ARIH1: variants seen among roughly 807,000 people sequenced by gnomAD.
ARIH1 encodes E3 ubiquitin-protein ligase ARIH1.
A neutral mutation model predicts 85.0 loss-of-function variants in ARIH1; 8 were observed. The ratio of observed to expected loss-of-function variants is 0.09; its 90% CI spans 0.06 to 0.17. The LOEUF is 0.17. Among genes scored for constraint, ARIH1 ranks in the 10% least tolerant of loss-of-function variants. The probability of loss-of-function intolerance (pLI) is 1.00; values close to 1 mark genes in which losing one functional copy is unlikely to be tolerated. For missense variants in ARIH1, 311 were observed against 718.1 expected, an observed-to-expected ratio of 0.43 and a Z score of 6.48; for synonymous variants, 238 against 253.6, an observed-to-expected ratio of 0.94 and a Z score of 0.59.
Position 72,601,137 on chromosome 15 carries a change from A to ATTTACT in ARIH1, c.*17849_*17854dup, listed in dbSNP as rs2140449117. ...TTTCCACCTCTAAACTTGAGAACCC[A>ATTTACT]TTTACTTTTTCTCCATCTCCTTTGC... On this transcript the variant is annotated 3_prime_UTR_variant, in exon 14 of 14. Transcript: ENST00000379887. 1 of 152,150 alleles carries ATTTACT rather than the reference A, an allele frequency of 6.6e-6. No homozygotes were observed. The highest frequency in any genetic ancestry group is 2.1e-4 in the South Asian group (1 of 4,824). 9.4% of individuals were successfully genotyped at this position (152,150 alleles called of 1,614,324 possible).
At chr15:72,532,678 T>C (rs2064063081) in intron 2 of ARIH1, among the ~76,000 whole-genome samples, 2 of 152,014 alleles carry the variant, frequency 1.3e-5, no homozygotes, top group Non-Finnish European at 2.9e-5. Flanking sequence ...AAACAAAAAC[T>C]GGAACAACAG....
intron 1 of ARIH1, among the ~76,000 whole-genome samples, chr15:72,507,430 A>G (rs1279788238): frequency 2.6e-5 from 4 of 152,090 alleles, no homozygotes; most frequent in Non-Finnish European, 5.9e-5. Context: ...GCTTATTGGA[A>G]TCTCTTGGGA....
Position 72,584,418 on chromosome 15 carries a change from A to G in ARIH1, c.*1126A>G, listed in dbSNP as rs1567362762. ...TCGCATCCAGTGGAAGCATTTTAAA[A>G]TTTCTTTTACTTTTTGGTTTTCCCT... On this transcript the variant is annotated 3_prime_UTR_variant, in exon 14 of 14. Coordinates refer to ENST00000379887, the MANE Select transcript of ARIH1 (RefSeq NM_005744.5). 1 of 152,264 alleles carries G rather than the reference A, an allele frequency of 6.6e-6. No homozygotes were observed. The highest frequency in any genetic ancestry group is 1.9e-4 in the East Asian group (1 of 5,188). The allele number at this position is 152,264 out of a possible 1,614,324, so 9.4% of individuals were successfully genotyped here. A position where few individuals can be genotyped will look rare whatever the true frequency, so the allele number is the denominator to read the frequency against.
intron 3 of ARIH1, among the ~76,000 whole-genome samples, chr15:72,546,682 GT>G (rs2064130343): frequency 6.6e-6 from 1 of 151,450 alleles, no homozygotes; most frequent in Non-Finnish European, 1.5e-5. Flanking sequence ...TGTTTTGTTT[GT>G]TTTGTTTTGT....
intron 1 of ARIH1, among the ~76,000 whole-genome samples, chr15:72,508,936 T>C (rs2063938206): frequency 2.0e-5 from 3 of 152,072 alleles, no homozygotes; most frequent in South Asian, 4.2e-4. Context: ...TTAGGTGATC[T>C]ACCCGCCTTA....
In ARIH1 at chr15:72,582,871, G is replaced by A. The variant is rs1368803783; in HGVS notation, c.1590-337G>A. Among the ~76,000 whole-genome samples the A allele has an allele frequency of 6.6e-6, 1 of 152,110 alleles. No individual in the cohort carries two copies. Among genetic ancestry groups the A allele is most frequent in the Admixed American group, 6.5e-5 (1 of 15,268 alleles). Reference sequence around the variant, plus strand: ...TACAGTTGACAGAGATTTTAAGGACGTGAATAAAGAACCCATGAAATTATT... The same window carrying A: ...TACAGTTGACAGAGATTTTAAGGACATGAATAAAGAACCCATGAAATTATT... On this transcript the variant is annotated intron_variant, in intron 13 of 13. Transcript: ENST00000379887. This position sits in a 1 kb window ranked among gnomAD's most constrained non-coding sequence, Gnocchi z 4.6.
At chr15:72,524,445 C>T (rs1459902582) in intron 2 of ARIH1, among the ~76,000 whole-genome samples, 1 of 148,594 alleles carries the variant, frequency 6.7e-6, no homozygotes, top group Non-Finnish European at 1.5e-5. Flanking sequence ...GAACTCTGAC[C>T]TCAAGTGATC....
At position 72,590,937 on chromosome 15, in the gene ARIH1, A is replaced by G. The variant is rs1798731317; in HGVS notation, c.*7645A>G. On this transcript the variant is annotated 3_prime_UTR_variant, in exon 14 of 14. Transcript: ENST00000379887. ...TGGAGGGTGCTCATAGAAATATAAA[A>G]CAAGGCTGGGCATGGCGGCTTACAC... 1 of 152,200 alleles carries G rather than the reference A, an allele frequency of 6.6e-6. No homozygotes were observed. Among genetic ancestry groups the G allele is most frequent in the African/African-American group, 2.4e-5 (1 of 41,436 alleles). The allele number at this position is 152,200 out of a possible 1,614,324, so 9.4% of individuals were successfully genotyped here. A position where few individuals can be genotyped will look rare whatever the true frequency, so the allele number is the denominator to read the frequency against.
intron 4 of ARIH1, 135 bp downstream of exon 4, chr15:72,555,498 G>A: frequency 1.5e-6 from 1 of 674,830 alleles, no homozygotes; most frequent in Non-Finnish European, 2.5e-6. Context: ...AAAGATAATA[G>A]GCTTTTTCCT....
At chr15:72,519,917 A>T (rs918194757) in intron 2 of ARIH1, among the ~76,000 whole-genome samples, 1 of 152,158 alleles carries the variant, frequency 6.6e-6, no homozygotes, top group African/African-American at 2.4e-5. Context: ...ATGAATTAAC[A>T]CTGATTTACT....
chr15:72,543,611 A>G (rs1300911412), intron 2 of ARIH1, among the ~76,000 whole-genome samples: 3 of 152,136 alleles, frequency 2.0e-5, no homozygotes, highest in Non-Finnish European at 4.4e-5. Flanking sequence ...CATTTGAATG[A>G]TTTTTCTGGA....
chr15:72,481,229 A>C (rs1313383811), intron 1 of ARIH1, among the ~76,000 whole-genome samples: 1 of 152,216 alleles, frequency 6.6e-6, no homozygotes, highest in Admixed American at 6.5e-5. Flanking sequence ...TAGTCCTATG[A>C]ATCAAACTCT....
chr15:72,500,567 C>T (rs192497342), intron 1 of ARIH1, among the ~76,000 whole-genome samples: 1 of 152,200 alleles, frequency 6.6e-6, no homozygotes, highest in Non-Finnish European at 1.5e-5. Context: ...CATTCCCTCT[C>T]TTCTTCTTTT....
chr15:72,490,780 TA>T (rs766993160), intron 1 of ARIH1, among the ~76,000 whole-genome samples: 10 of 152,094 alleles, frequency 6.6e-5, no homozygotes, highest in Non-Finnish European at 1.2e-4. Flanking sequence ...AAAAGGAACC[TA>T]CTTAGCCAAA....
chr15:72,564,855 T>A (rs1208297283), intron 7 of ARIH1, among the ~76,000 whole-genome samples: 1 of 152,146 alleles, frequency 6.6e-6, no homozygotes, highest in Non-Finnish European at 1.5e-5. Flanking sequence ...GCCCCTTTTT[T>A]TTTTAAAAAG....
rs1346297792 is a variant in ARIH1, at chr15:72,570,218, T to G, written c.1068T>G (p.Gly356=). Residue 356 remains glycine (G), a synonymous_variant, in exon 10 of 14, where the codon GGT becomes GGG. Coordinates refer to ENST00000379887, the MANE Select transcript of ARIH1 (RefSeq NM_005744.5). ...ATGTCACAATTGAGAAGGATGGTGG[T>G]TGTAATCACATGGTCTGTCGTAACC... ...KCHVTIEKDG[G]CNHMVCRNQN... is the part of the protein sequence containing the mutation. The G allele has an allele frequency of 1.2e-6, 2 of 1,614,096 alleles. No individual in the cohort carries two copies. The highest frequency in any genetic ancestry group is 2.2e-5 in the South Asian group (2 of 91,078).
chr15:72,536,021 C>T (rs1028871695), intron 2 of ARIH1, among the ~76,000 whole-genome samples: 1 of 152,136 alleles, frequency 6.6e-6, no homozygotes, highest in African/African-American at 2.4e-5. Context: ...CCAGGGACCT[C>T]CAATTACAAA....
At chr15:72,571,053 C>T (rs1265898817) in intron 10 of ARIH1, among the ~76,000 whole-genome samples, 2 of 134,688 alleles carry the variant, frequency 1.5e-5, no homozygotes, top group South Asian at 2.4e-4. Flanking sequence ...CACTTGAACT[C>T]GGGAGGTGGA....
intron 10 of ARIH1, 30 bp from the exon 11 acceptor site, chr15:72,572,078 C>G (rs768245856): frequency 1.9e-5 from 24 of 1,262,534 alleles, no homozygotes; most frequent in South Asian, 3.3e-5. Flanking sequence ...TTTTTTTTTT[C>G]TTTATGGAAT....
Sources: gnomAD v4.1 joint callset for allele counts (sites outside exome capture counted in the v4.1 genomes callset) on GRCh38, gnomAD v4.1.1 for gene constraint, Gnocchi (gnomAD v3.1) non-coding constraint, MANE v1.5 for transcripts, NCBI Gene and HGNC (gene_info 2026-07-23, HGNC 2026-07-21) for gene names.